Variants in FAN1 observed in about 807,000 individuals in gnomAD.
FAN1 encodes FANCD2 and FANCI associated nuclease 1.
In FAN1, 91 loss-of-function variants were observed where a neutral mutation model predicts 104.9. The observed-to-expected ratio is 0.87, with a 90% CI of 0.73 to 1.03. The LOEUF (loss-of-function observed/expected upper bound fraction) is 1.03. Ranked by LOEUF, FAN1 falls within the 50% of genes least tolerant of loss-of-function variation. FAN1 has a pLI of 0.00. For synonymous variants in FAN1, 478 were observed against 457.6 expected, an observed-to-expected ratio of 1.04 and a Z score of -0.57; for missense variants, 1,263 against 1,239.9, an observed-to-expected ratio of 1.02 and a Z score of -0.28.
At chr15:30,939,483 TGCACAATAAACTGTA>T in intron 14 of FAN1, 1 of 985,272 alleles carries the variant, frequency 1.0e-6, no homozygotes, top group Non-Finnish European at 1.2e-6. Context: ...TTTCATATTA[TGCACAATAAACTGTA>T]GCACAATAAT....
intron 4 of FAN1, among the ~76,000 whole-genome samples, chr15:30,912,143 T>G (rs184612167): frequency 6.6e-6 from 1 of 152,288 alleles, no homozygotes; most frequent in African/African-American, 2.4e-5. Context: ...ATGAACATAT[T>G]TTATCTCTAA....
At chr15:30,930,444 A>T in intron 12 of FAN1, 99 bp from the exon 13 acceptor site, 1 of 1,391,114 alleles carries the variant, frequency 7.2e-7, no homozygotes, top group Non-Finnish European at 9.6e-7. Context: ...GCACTGAATT[A>T]CATATACACT....
rs757663803 is a variant in FAN1 at position 30,922,311 on chromosome 15, G to A, written c.2129G>A (p.Arg710Gln). 40 of 1,613,936 alleles carry A rather than the reference G, an allele frequency of 2.5e-5. No individual in the cohort carries two copies. Among genetic ancestry groups the A allele is most frequent in the African/African-American group, 8.0e-5 (6 of 74,994 alleles). The change falls in exon 8 of 15, where the codon CGA (arginine) becomes CAA (glutamine). Residue 710 changes from arginine (R) to glutamine (Q), a missense_variant. By Grantham distance (43) the Arg-to-Gln change is conservative. Around this residue, in one of 2 missense-constraint regions of FAN1, gnomAD observed 581 missense variants for 668.8 expected, o/e 0.87. Transcript: ENST00000362065. ...CPDSRGRWWD[R>Q]LALNLHQHLK... Reference sequence around the variant, plus strand: ...GACAGCAGAGGCCGATGGTGGGATCGACTGGCCCTTAATTTACACCAGCAC... The same window carrying A: ...GACAGCAGAGGCCGATGGTGGGATCAACTGGCCCTTAATTTACACCAGCAC...
intron 5 of FAN1, among the ~76,000 whole-genome samples, chr15:30,915,639 G>C (rs910203102): frequency 4.6e-5 from 7 of 152,058 alleles, no homozygotes; most frequent in Admixed American, 3.9e-4. Flanking sequence ...TGCTGGATAT[G>C]CTAATTACCC....
chr15:30,938,731 C>G (rs1028610798), intron 14 of FAN1, among the ~76,000 whole-genome samples: 1 of 152,052 alleles, frequency 6.6e-6, no homozygotes, highest in African/African-American at 2.4e-5. Flanking sequence ...AATGGAAGGA[C>G]CAGTTAGGGC....
rs747895092 is a variant in FAN1 at position 30,937,094 on chromosome 15, C to T, written c.2917-25C>T. 5.6e-6 allele frequency: 9 copies of T among 1,600,472 alleles called. No individual in the cohort carries two copies. In the South Asian group the frequency reaches 1.0e-4, roughly 18 times the overall value. ...TTTTCATTCAGTAAGATACTAATAACAACTTTTAAAAATTTCTTTTCCAGC... is the reference window on the plus strand; with the variant it reads ...TTTTCATTCAGTAAGATACTAATAATAACTTTTAAAAATTTCTTTTCCAGC... On this transcript the variant is annotated intron_variant, in intron 13 of 14. Coordinates refer to ENST00000362065, the MANE Select transcript of FAN1 (RefSeq NM_014967.5).
intron 2 of FAN1, 98 bp downstream of exon 2, chr15:30,905,995 G>A: frequency 8.6e-7 from 1 of 1,169,340 alleles, no homozygotes; most frequent in Non-Finnish European, 1.2e-6. Flanking sequence ...ACCGCAAGGA[G>A]TCACTGTGGT....
chr15:30,905,041 T>C lies in FAN1; in HGVS notation c.378T>C (p.Ser126=). The stretch of plus-strand genomic sequence containing the variant: ...AAAGGGAAGTAAAGCAGAAGATCAG[T>C]CCCTACTTTAAAAGTAATGATGTGG... ...SAKREVKQKI[S]PYFKSNDVVC... Residue 126 remains serine (S), a synonymous_variant, in exon 2 of 15, where the codon AGT becomes AGC. Transcript: ENST00000362065. The C allele has an allele frequency of 6.2e-7, 1 of 1,614,022 alleles. No homozygotes were observed.
intron 12 of FAN1, 77 bp downstream of exon 12, chr15:30,929,474 C>A: frequency 1.9e-6 from 2 of 1,062,510 alleles, no homozygotes; most frequent in South Asian, 3.1e-5. Flanking sequence ...GCAACTTTAT[C>A]AAAATACACA....
At chr15:30,913,297 C>G (rs2062136288) in intron 4 of FAN1, among the ~76,000 whole-genome samples, 1 of 152,056 alleles carries the variant, frequency 6.6e-6, no homozygotes, top group Non-Finnish European at 1.5e-5. Flanking sequence ...CAGTTTCATC[C>G]CGAAACACCT....
chr15:30,940,693 C>T (rs968032990), intron 14 of FAN1: 3 of 988,062 alleles, frequency 3.0e-6, no homozygotes, highest in East Asian at 2.2e-4. Flanking sequence ...GAACAAGACT[C>T]TGGGGACTCC....
Position 30,937,128 on chromosome 15 carries a change from G to C in FAN1, c.2926G>C (p.Val976Leu). Residue 976 changes from valine (V) to leucine (L), a missense_variant, in exon 14 of 15, where the codon GTT becomes CTT. By Grantham distance (32) the Val-to-Leu change is conservative. Around this residue, in one of 2 missense-constraint regions of FAN1, gnomAD observed 581 missense variants for 668.8 expected, o/e 0.87. Coordinates refer to ENST00000362065, the MANE Select transcript of FAN1 (RefSeq NM_014967.5). ...SQSRHFKLVE[V>L]KGPNDRLSHK... ...AAAATTTCTTTTCCAGCTGGTGGAAGTTAAAGGCCCCAATGATCGTCTTTC... is the reference window on the plus strand; with the variant it reads ...AAAATTTCTTTTCCAGCTGGTGGAACTTAAAGGCCCCAATGATCGTCTTTC... 1 of 1,608,730 alleles carries C rather than the reference G, an allele frequency of 6.2e-7. No homozygotes were observed. Among genetic ancestry groups the C allele is most frequent in the Non-Finnish European group, 8.5e-7 (1 of 1,178,706 alleles).
In FAN1 at chr15:30,914,092, G is replaced by T. The variant is rs766292876; in HGVS notation, c.1811+1G>T. On this transcript the variant is annotated splice_donor_variant, in intron 5 of 14. Transcript: ENST00000362065. LOFTEE classifies it high-confidence loss of function. Reference sequence around the variant, plus strand: ...TCCAAGACAGAGATGATCTTATCAGGTAAGATGATGTTAGCTCACTATAAT... The same window carrying T: ...TCCAAGACAGAGATGATCTTATCAGTTAAGATGATGTTAGCTCACTATAAT... 4.0e-5 allele frequency: 64 copies of T among 1,584,426 alleles called. No individual in the cohort carries two copies. Among genetic ancestry groups the T allele is most frequent in the Non-Finnish European group, 5.5e-5 (63 of 1,153,228 alleles).
chr15:30,939,454 G>A (rs1469706433), intron 14 of FAN1: 6 of 985,334 alleles, frequency 6.1e-6, no homozygotes, highest in African/African-American at 1.7e-5. Flanking sequence ...TGGCCCGACT[G>A]AAGGCTGTCA....
At chr15:30,930,708 C>G (rs757870106) in intron 13 of FAN1, 37 bp downstream of exon 13, 1 of 1,607,294 alleles carries the variant, frequency 6.2e-7, no homozygotes, top group Non-Finnish European at 8.5e-7. Context: ...TGTTGGTAAC[C>G]TTATTAGCAA....
At chr15:30,906,009 G>T (rs762570450) in intron 2 of FAN1, 112 bp downstream of exon 2, 6 of 978,708 alleles carry the variant, frequency 6.1e-6, no homozygotes, top group East Asian at 4.8e-5. Context: ...CTGTGGTGTT[G>T]TGAGCACCCT....
rs758207030 is a variant in FAN1, at chr15:30,928,697, C to A, written c.2592+41C>A. 98 of 1,612,492 alleles carry A rather than the reference C, an allele frequency of 6.1e-5. No individual in the cohort carries two copies. The Middle Eastern group carries it at 4.7e-3, about 78-fold the overall frequency. On this transcript the variant is annotated intron_variant, in intron 11 of 14. Transcript: ENST00000362065. ...TGCCCCACGAGTAGGTCCTTCTGCA[C>A]ACATCCGTGGCTCACGCCCACCTGG...
Position 30,929,811 on chromosome 15 carries a change from A to AATG in FAN1, c.2787+414_2787+415insATG, listed in dbSNP as rs1331056469. 3.9e-4 allele frequency among the ~76,000 whole-genome samples: 28 copies of AATG among 71,970 alleles called. 4 individuals carry two copies. Among genetic ancestry groups the AATG allele is most frequent in the African/African-American group, 2.1e-3 (27 of 12,906 alleles). 47.2% of individuals were successfully genotyped at this position (71,970 alleles called of 152,430 possible). A position where few individuals can be genotyped will look rare whatever the true frequency, so the allele number is the denominator to read the frequency against. ...ATATATAATATAATATATAAAATAT[A>AATG]TAATATATTATATCATATATAATAT... On this transcript the variant is annotated intron_variant, in intron 12 of 14. Transcript: ENST00000362065.
At chr15:30,927,063 GCA>G in intron 10 of FAN1, 1 of 975,376 alleles carries the variant, frequency 1.0e-6, no homozygotes, top group Non-Finnish European at 1.2e-6. Flanking sequence ...TGTAATCCCA[GCA>G]CTTGGGGAGG....
Sources: gnomAD v4.1 joint callset for allele counts (sites outside exome capture counted in the v4.1 genomes callset) on GRCh38, gnomAD v4.1.1 for gene constraint, gnomAD v4.1.1 regional missense constraint, MANE v1.5 for transcripts, NCBI Gene and HGNC (gene_info 2026-07-23, HGNC 2026-07-21) for gene names.